Variants in TRAF3 observed in about 807,000 individuals in gnomAD.
The protein encoded by TRAF3 is TNF receptor-associated factor 3.
In TRAF3, 13 loss-of-function variants were observed where a neutral mutation model predicts 62.3. That is an observed-to-expected ratio of 0.21 (90% CI 0.14 to 0.33). The LOEUF (loss-of-function observed/expected upper bound fraction) is 0.33. Ranked by LOEUF, TRAF3 falls within the 10% of genes least tolerant of loss-of-function variation. The probability of loss-of-function intolerance (pLI) is 1.00; values close to 1 mark genes in which losing one functional copy is unlikely to be tolerated. For synonymous variants in TRAF3, 269 were observed against 283.4 expected (o/e 0.95, Z 0.51); for missense variants, 440 against 741.8 (o/e 0.59, Z 4.73).
chr14:102,880,059 G>T (rs1037235715), intron 6 of TRAF3, among the ~76,000 whole-genome samples: 7 of 152,214 alleles, frequency 4.6e-5, no homozygotes, highest in Non-Finnish European at 5.9e-5. Flanking sequence ...GAGACTGGTA[G>T]TGAGCCATAA....
intron 1 of TRAF3, among the ~76,000 whole-genome samples, chr14:102,795,225 G>T (rs1365291049): frequency 6.6e-6 from 1 of 152,196 alleles, no homozygotes; most frequent in Non-Finnish European, 1.5e-5. Context: ...GCTGATTGTT[G>T]CAACACTGAG....
chr14:102,907,124 G>A lies in TRAF3; in HGVS notation c.*1340G>A, dbSNP rs1890622286. ...GATTCCAAATCTCTAGGCCCCACGAGTGAGCCGCCTGGTCCAAGTACGGCC... is the reference window on the plus strand; with the variant it reads ...GATTCCAAATCTCTAGGCCCCACGAATGAGCCGCCTGGTCCAAGTACGGCC... On this transcript the variant is annotated 3_prime_UTR_variant, in exon 12 of 12. Coordinates refer to ENST00000392745, the MANE Select transcript of TRAF3 (RefSeq NM_145725.3). The A allele has an allele frequency of 6.6e-6, 1 of 152,248 alleles. No individual in the cohort carries two copies. The highest frequency in any genetic ancestry group is 6.5e-5 in the Admixed American group (1 of 15,290). 9.4% of individuals were successfully genotyped at this position (152,248 alleles called of 1,614,324 possible).
intron 2 of TRAF3, among the ~76,000 whole-genome samples, chr14:102,844,783 G>A (rs1417429671): frequency 6.6e-6 from 1 of 152,030 alleles, no homozygotes; most frequent in Non-Finnish European, 1.5e-5. Flanking sequence ...GCTCATGCCT[G>A]TAATCCCAGC....
At chr14:102,883,689 A>G (rs1482272219) in intron 6 of TRAF3, among the ~76,000 whole-genome samples, 1 of 152,012 alleles carries the variant, frequency 6.6e-6, no homozygotes, top group Non-Finnish European at 1.5e-5. Flanking sequence ...AGGTTCAAGC[A>G]ATTTTCCTGC....
intron 1 of TRAF3, among the ~76,000 whole-genome samples, chr14:102,784,264 C>T (rs1475727759): frequency 1.4e-5 from 2 of 143,772 alleles, no homozygotes; most frequent in Non-Finnish European, 3.0e-5. Context: ...TTGCTCTTGC[C>T]CAGGCTGGAG....
intron 10 of TRAF3, among the ~76,000 whole-genome samples, chr14:102,898,159 C>G (rs1010228972): frequency 3.9e-5 from 6 of 152,220 alleles, no homozygotes; most frequent in African/African-American, 1.4e-4. Context: ...TCTAATAGCA[C>G]AGAGTCATGG....
intron 2 of TRAF3, among the ~76,000 whole-genome samples, chr14:102,841,104 A>T (rs1015869539): frequency 1.3e-5 from 2 of 152,240 alleles, no homozygotes; most frequent in African/African-American, 2.4e-5. Context: ...GTTTGTCTCG[A>T]GAGGCAGTTT....
chr14:102,796,552 T>C (rs1476865418), intron 1 of TRAF3, among the ~76,000 whole-genome samples: 1 of 152,216 alleles, frequency 6.6e-6, no homozygotes, highest in Non-Finnish European at 1.5e-5. Context: ...GTGGACAGCC[T>C]TGGCGACTGA....
Position 102,880,451 on chromosome 14 carries a change from A to G in TRAF3, c.570+3926A>G, listed in dbSNP as rs138162467. 6.4e-3 allele frequency among the ~76,000 whole-genome samples: 970 copies of G among 152,396 alleles called. 11 individuals carry two copies. Among genetic ancestry groups the G allele is most frequent in the African/African-American group, 0.022 (919 of 41,600 alleles). Reference sequence around the variant, plus strand: ...CAGAATGGCGATTATTAAAAAGTCAAAAAACAACAGATGCTGGCAAGGTTG... The same window carrying G: ...CAGAATGGCGATTATTAAAAAGTCAGAAAACAACAGATGCTGGCAAGGTTG... On this transcript the variant is annotated intron_variant, in intron 6 of 11. Transcript: ENST00000392745.
intron 1 of TRAF3, among the ~76,000 whole-genome samples, chr14:102,828,614 T>A (rs2139617202): frequency 6.6e-6 from 1 of 152,352 alleles, no homozygotes; most frequent in Admixed American, 6.5e-5. Flanking sequence ...ACTTTACAGA[T>A]CATGCATATA....
chr14:102,816,105 A>ATT (rs550927487), intron 1 of TRAF3, among the ~76,000 whole-genome samples: 7 of 144,928 alleles, frequency 4.8e-5, no homozygotes, highest in African/African-American at 1.5e-4. Context: ...TCTAAATTCT[A>ATT]TTTTTTTTTT....
At position 102,834,416 on chromosome 14, in the gene TRAF3, C is replaced by T. The variant is rs143421639; in HGVS notation, c.-18+3944C>T. 2.0e-5 allele frequency among the ~76,000 whole-genome samples: 3 copies of T among 151,952 alleles called. No homozygotes were observed. In the East Asian group the frequency reaches 5.8e-4, roughly 29 times the overall value. ...CAGAAGATTGAAATTGGACCCCTTC[C>T]GGCTGGGCGCGGTGGCTCACGCTTG... On this transcript the variant is annotated intron_variant, in intron 2 of 11. Transcript: ENST00000392745.
At position 102,901,877 on chromosome 14, in the gene TRAF3, C is replaced by T. The variant is rs139494730; in HGVS notation, c.961-1378C>T. Reference sequence around the variant, plus strand: ...TCAGGGGGCCCTGGGGCCCGCCCCTCGAGCACCCGGTGTGGCCCTCAGCTT... The same window carrying T: ...TCAGGGGGCCCTGGGGCCCGCCCCTTGAGCACCCGGTGTGGCCCTCAGCTT... On this transcript the variant is annotated intron_variant, in intron 10 of 11. Coordinates refer to ENST00000392745, the MANE Select transcript of TRAF3 (RefSeq NM_145725.3). 4.7e-3 allele frequency among the ~76,000 whole-genome samples: 710 copies of T among 152,300 alleles called. 2 individuals are homozygous for T. Among genetic ancestry groups the T allele is most frequent in the African/African-American group, 0.016 (674 of 41,552 alleles).
Position 102,842,447 on chromosome 14 carries a change from A to G in TRAF3, c.-18+11975A>G, listed in dbSNP as rs547696893. Among the ~76,000 whole-genome samples, 6 of 152,150 alleles carry G rather than the reference A, an allele frequency of 3.9e-5. No homozygotes were observed. The East Asian group carries it at 1.2e-3, about 29-fold the overall frequency. On this transcript the variant is annotated intron_variant, in intron 2 of 11. Coordinates refer to ENST00000392745, the MANE Select transcript of TRAF3 (RefSeq NM_145725.3). ...CAGTAGAAGCTTTCCAAAGCACAGC[A>G]CAGAGAATCCAGACTGCGCGAGATC...
intron 1 of TRAF3, among the ~76,000 whole-genome samples, chr14:102,819,863 G>A (rs1162457104): frequency 2.0e-5 from 3 of 152,230 alleles, no homozygotes; most frequent in Non-Finnish European, 4.4e-5. Flanking sequence ...TCAGATCAGG[G>A]CATACCGCCA....
At chr14:102,792,112 A>G (rs1467720380) in intron 1 of TRAF3, among the ~76,000 whole-genome samples, 1 of 43,512 alleles carries the variant, frequency 2.3e-5, no homozygotes. Flanking sequence ...CTGTGCCTGG[A>G]CTTTTTTTTT....
At chr14:102,871,627 T>A (rs1566786941) in intron 3 of TRAF3, among the ~76,000 whole-genome samples, 1 of 152,268 alleles carries the variant, frequency 6.6e-6, no homozygotes, top group Non-Finnish European at 1.5e-5. Flanking sequence ...AGCTTTGGTT[T>A]CTGAAATAAA....
At chr14:102,804,893 TA>T (rs1290709504) in intron 1 of TRAF3, among the ~76,000 whole-genome samples, 1 of 152,210 alleles carries the variant, frequency 6.6e-6, no homozygotes, top group Non-Finnish European at 1.5e-5. Flanking sequence ...TACAAACTTC[TA>T]AAAATCTTTC....
intron 2 of TRAF3, among the ~76,000 whole-genome samples, chr14:102,835,496 A>C (rs1285254560): frequency 6.6e-6 from 1 of 152,230 alleles, no homozygotes; most frequent in East Asian, 1.9e-4. Flanking sequence ...CATGGAATCC[A>C]CTGAAATGCC....
Sources: allele counts gnomAD v4.1 joint callset (sites outside exome capture counted in the v4.1 genomes callset), GRCh38; gene constraint gnomAD v4.1.1; transcripts MANE v1.5; gene names NCBI Gene and HGNC (gene_info 2026-07-23, HGNC 2026-07-21).